The following ANGPT1 variants were observed in gnomAD, a reference collection of about 807,000 sequenced individuals.
ANGPT1 encodes the protein angiopoietin 1, also known as angiopoietin-1.
Under a neutral mutation model 62.2 loss-of-function variants are expected in ANGPT1, and 17 were observed. The ratio of observed to expected loss-of-function variants is 0.27; its 90% CI spans 0.19 to 0.41. The LOEUF (loss-of-function observed/expected upper bound fraction) is 0.41, where lower values mean the gene tolerates loss of function less well. ANGPT1 is among the 10% of genes least tolerant of loss of function. ANGPT1 has a pLI of 1.00. For missense variants in ANGPT1, 478 were observed against 594.9 expected (o/e 0.80, Z 2.04); for synonymous variants, 199 against 198.9 (o/e 1.00, Z 0.00).
chr8:107,255,036 A>G (rs1226064981), intron 8 of ANGPT1, among the ~76,000 whole-genome samples: 2 of 152,140 alleles, frequency 1.3e-5, no homozygotes, highest in African/African-American at 4.8e-5. Context: ...ATATTAACCA[A>G]TGGATAGGGA....
intron 1 of ANGPT1, among the ~76,000 whole-genome samples, chr8:107,481,425 T>C (rs1218046576): frequency 6.7e-6 from 1 of 149,410 alleles, no homozygotes; most frequent in Admixed American, 6.7e-5. Flanking sequence ...TCCCAGCTAC[T>C]TGGGAGGCTG....
At chr8:107,424,104 G>A (rs960350211) in intron 1 of ANGPT1, among the ~76,000 whole-genome samples, 7 of 151,502 alleles carry the variant, frequency 4.6e-5, no homozygotes, top group Non-Finnish European at 5.9e-5. Context: ...GCTTCTCAAA[G>A]TGCTGGAATT....
At chr8:107,370,220 G>GAA (rs1816360117) in intron 1 of ANGPT1, among the ~76,000 whole-genome samples, 2 of 93,598 alleles carry the variant, frequency 2.1e-5, no homozygotes, top group Non-Finnish European at 5.0e-5. Flanking sequence ...AGAAAGAAAG[G>GAA]AGAAAGGAAG....
intron 5 of ANGPT1, chr8:107,294,640 G>T (rs887456523): frequency 1.3e-5 from 2 of 152,046 alleles, no homozygotes; most frequent in African/African-American, 4.8e-5. Context: ...TTTTAGTCAC[G>T]AACAATAACA....
chr8:107,340,060 A>C (rs1815661158), intron 2 of ANGPT1, among the ~76,000 whole-genome samples: 1 of 152,214 alleles, frequency 6.6e-6, no homozygotes, highest in African/African-American at 2.4e-5. Flanking sequence ...TGAAGCGGGC[A>C]ACCAAGAGAA....
At chr8:107,406,231 T>G (rs1382393674) in intron 1 of ANGPT1, among the ~76,000 whole-genome samples, 1 of 151,960 alleles carries the variant, frequency 6.6e-6, no homozygotes, top group Admixed American at 6.6e-5. Context: ...ATTCAGTTGC[T>G]ATACACTTTC....
intron 4 of ANGPT1, among the ~76,000 whole-genome samples, chr8:107,309,669 G>C (rs1414596498): frequency 6.6e-6 from 1 of 152,132 alleles, no homozygotes; most frequent in African/African-American, 2.4e-5. Flanking sequence ...AATATATATA[G>C]CTACACAAAT....
At chr8:107,252,863 A>G (rs2129980751) in intron 8 of ANGPT1, among the ~76,000 whole-genome samples, 1 of 152,284 alleles carries the variant, frequency 6.6e-6, no homozygotes, top group East Asian at 1.9e-4. Context: ...AACACTACTG[A>G]ATCTTTAGGG....
intron 1 of ANGPT1, among the ~76,000 whole-genome samples, chr8:107,448,373 A>G (rs1296718568): frequency 1.3e-5 from 2 of 152,178 alleles, no homozygotes; most frequent in African/African-American, 4.8e-5. Context: ...AATTAATTCG[A>G]TTAATTCATT....
At chr8:107,306,042 G>T (rs1192639372) in intron 4 of ANGPT1, among the ~76,000 whole-genome samples, 1 of 151,918 alleles carries the variant, frequency 6.6e-6, no homozygotes, top group Non-Finnish European at 1.5e-5. Context: ...TCTGAGATGG[G>T]TGTATGAATT....
At chr8:107,371,130 T>A (rs918837184) in intron 1 of ANGPT1, among the ~76,000 whole-genome samples, 14 of 151,976 alleles carry the variant, frequency 9.2e-5, no homozygotes, top group Admixed American at 7.9e-4. Flanking sequence ...CTCAATAGGG[T>A]TTTTATGTAT....
intron 7 of ANGPT1, among the ~76,000 whole-genome samples, chr8:107,273,671 G>A (rs189914180): frequency 5.9e-5 from 9 of 151,952 alleles, no homozygotes; most frequent in Non-Finnish European, 1.3e-4. Flanking sequence ...CCTCATGAGC[G>A]CTTACTCATT....
chr8:107,262,821 A>G (rs1014273156), intron 8 of ANGPT1, among the ~76,000 whole-genome samples: 3 of 152,202 alleles, frequency 2.0e-5, no homozygotes, highest in African/African-American at 7.2e-5. Flanking sequence ...GCCAGAGCCT[A>G]TAACATTCTT....
chr8:107,442,196 C>T (rs925704367), intron 1 of ANGPT1, among the ~76,000 whole-genome samples: 1 of 152,162 alleles, frequency 6.6e-6, no homozygotes, highest in Non-Finnish European at 1.5e-5. Flanking sequence ...CACATATGCT[C>T]ATGCACGTAC....
chr8:107,422,010 AAC>A (rs1233747034), intron 1 of ANGPT1, among the ~76,000 whole-genome samples: 5 of 152,150 alleles, frequency 3.3e-5, no homozygotes, highest in Admixed American at 3.3e-4. Context: ...CACCTTTTAG[AAC>A]ACATTCTTTC....
chr8:107,286,416 A>C (rs1312898127), intron 6 of ANGPT1, among the ~76,000 whole-genome samples: 6 of 152,172 alleles, frequency 3.9e-5, no homozygotes, highest in Non-Finnish European at 1.5e-5. Flanking sequence ...AATTTTTAAC[A>C]TATTGCCTTG....
intron 1 of ANGPT1, among the ~76,000 whole-genome samples, chr8:107,443,429 C>T (rs980700899): frequency 7.2e-5 from 11 of 152,022 alleles, no homozygotes; most frequent in South Asian, 2.1e-4. Flanking sequence ...AATATTTTCT[C>T]GGGTCAAAAA....
intron 1 of ANGPT1, among the ~76,000 whole-genome samples, chr8:107,375,849 C>T (rs915440708): frequency 5.3e-5 from 8 of 152,100 alleles, no homozygotes; most frequent in African/African-American, 1.2e-4. Flanking sequence ...GAGAAAGGGC[C>T]GTGTTCCTGA....
intron 1 of ANGPT1, among the ~76,000 whole-genome samples, chr8:107,403,584 A>G (rs888305865): frequency 1.3e-5 from 2 of 152,060 alleles, no homozygotes; most frequent in African/African-American, 4.8e-5. Flanking sequence ...GTTATAGGAA[A>G]ACTGATGCAC....
Sources: allele counts gnomAD v4.1 joint callset (sites outside exome capture counted in the v4.1 genomes callset), GRCh38; gene constraint gnomAD v4.1.1; transcripts MANE v1.5; gene names NCBI Gene and HGNC (gene_info 2026-07-23, HGNC 2026-07-21).